Variants in CELF2 observed in about 807,000 individuals in gnomAD.
The protein encoded by CELF2 is CUG triplet repeat RNA-binding protein 2.
A neutral mutation model predicts 62.6 loss-of-function variants in CELF2; 8 were observed. The observed-to-expected ratio is 0.13, with a 90% CI of 0.07 to 0.23. The LOEUF (loss-of-function observed/expected upper bound fraction) is 0.23. CELF2 is among the 10% of genes least tolerant of loss of function. CELF2 has a pLI of 1.00. For synonymous variants in CELF2, 258 were observed against 250.0 expected (o/e 1.03, Z -0.30); for missense variants, 333 against 671.0 (o/e 0.50, Z 5.56).
At chr10:11,170,950 G>A (rs1188557254) in intron 2 of CELF2, among the ~76,000 whole-genome samples, 1 of 152,144 alleles carries the variant, frequency 6.6e-6, no homozygotes, top group African/African-American at 2.4e-5. Context: ...TGAAAACCGA[G>A]TGATAGATTA....
intron 1 of CELF2, among the ~76,000 whole-genome samples, chr10:10,854,661 C>T (rs1358666488): frequency 1.3e-5 from 2 of 152,094 alleles, no homozygotes; most frequent in Non-Finnish European, 2.9e-5. Context: ...GCTGCCTCTC[C>T]AGTGCACAGC....
chr10:10,737,437 G>T, the CELF2 span, among the ~76,000 whole-genome samples: 1 of 151,926 alleles, frequency 6.6e-6, no homozygotes, highest in African/African-American at 2.4e-5. Context: ...TCCTTATCTT[G>T]GGTAATACAT....
At chr10:10,998,924 G>C (rs530171281) in intron 2 of CELF2, among the ~76,000 whole-genome samples, 1 of 152,200 alleles carries the variant, frequency 6.6e-6, no homozygotes, top group East Asian at 1.9e-4. Flanking sequence ...TGCAGTTTAT[G>C]AACTCCCAAA....
At chr10:10,600,578 G>T in the CELF2 span, among the ~76,000 whole-genome samples, 1 of 152,124 alleles carries the variant, frequency 6.6e-6, no homozygotes, top group African/African-American at 2.4e-5. Context: ...TTTGGGAAAA[G>T]CTTTTATTCA....
the CELF2 span, among the ~76,000 whole-genome samples, chr10:10,757,538 G>A: frequency 6.6e-6 from 1 of 152,116 alleles, no homozygotes; most frequent in South Asian, 2.1e-4. Flanking sequence ...GCACACACAT[G>A]TATGTATGTA....
At chr10:10,566,727 A>T in the CELF2 span, among the ~76,000 whole-genome samples, 1 of 152,072 alleles carries the variant, frequency 6.6e-6, no homozygotes, top group Non-Finnish European at 1.5e-5. Flanking sequence ...TCTTTTGTTC[A>T]CAACATATGT....
chr10:11,086,090 C>T (rs1285713522), intron 1 of CELF2, among the ~76,000 whole-genome samples: 1 of 152,132 alleles, frequency 6.6e-6, no homozygotes, highest in Non-Finnish European at 1.5e-5. Flanking sequence ...ATTTGACAAT[C>T]TCCTGGACTC....
chr10:10,765,799 T>G, the CELF2 span, among the ~76,000 whole-genome samples: 2 of 152,150 alleles, frequency 1.3e-5, no homozygotes, highest in Non-Finnish European at 2.9e-5. Flanking sequence ...GAGGACTGAG[T>G]GTCTTTTCTT....
In CELF2 at chr10:11,316,729, G is replaced by GTT. The variant is rs2095023697; in HGVS notation, c.1096+2471_1096+2472insTT. ...GCGGTCAGCAAGAAAGCAGGTAGAT[G>GTT]ACTCACCAGAGCCAACATTTTACCC... On this transcript the variant is annotated intron_variant, in intron 10 of 12. Coordinates refer to ENST00000633077, the MANE Select transcript of CELF2 (RefSeq NM_001326342.2). This position sits in a 1 kb window ranked among gnomAD's most constrained non-coding sequence, Gnocchi z 4.4. 6.6e-6 allele frequency: 1 copy of GTT among 152,120 alleles called. No individual in the cohort carries two copies. The highest frequency in any genetic ancestry group is 1.5e-5 in the Non-Finnish European group (1 of 68,008). The allele number at this position is 152,120 out of a possible 1,614,324, so 9.4% of individuals were successfully genotyped here. A position where few individuals can be genotyped will look rare whatever the true frequency, so the allele number is the denominator to read the frequency against.
At chr10:10,813,174 G>C (rs908259232) in intron 1 of CELF2, among the ~76,000 whole-genome samples, 1 of 152,146 alleles carries the variant, frequency 6.6e-6, no homozygotes, top group Non-Finnish European at 1.5e-5. Flanking sequence ...CTACAGATCT[G>C]TGTTCAGATG....
At chr10:10,661,821 T>C in the CELF2 span, among the ~76,000 whole-genome samples, 1 of 152,090 alleles carries the variant, frequency 6.6e-6, no homozygotes, top group Admixed American at 6.5e-5. Flanking sequence ...AGGTAGGGAA[T>C]AGTTAAGTAA....
chr10:11,210,233 C>A lies in CELF2; in HGVS notation c.272-7192C>A, dbSNP rs74426437. 9.6e-3 allele frequency among the ~76,000 whole-genome samples: 1,468 copies of A among 152,252 alleles called. 20 individuals carry two copies. Among genetic ancestry groups the A allele is most frequent in the Middle Eastern group, 0.024 (7 of 294 alleles). ...AGAAAAAATATATAGAGAGCTCAGT[C>A]ATCAGATGATCAGTCTGGGGCTGCT... On this transcript the variant is annotated intron_variant, in intron 2 of 12. Coordinates refer to ENST00000633077, the MANE Select transcript of CELF2 (RefSeq NM_001326342.2).
chr10:10,505,310 C>A, the CELF2 span, among the ~76,000 whole-genome samples: 1 of 151,986 alleles, frequency 6.6e-6, no homozygotes, highest in Non-Finnish European at 1.5e-5. Flanking sequence ...GGGGAGGGCT[C>A]CTTTTTTACT....
rs1156857739 is a variant in CELF2 at position 11,145,001 on chromosome 10, T to C, written c.75-20485T>C. Among the ~76,000 whole-genome samples, 1 of 152,020 alleles carries C rather than the reference T, an allele frequency of 6.6e-6. No homozygotes were observed. The highest frequency in any genetic ancestry group is 1.5e-5 in the Non-Finnish European group (1 of 67,998). On this transcript the variant is annotated intron_variant, in intron 1 of 12. Transcript: ENST00000633077. The surrounding 1 kb of genome is among the most constrained non-coding windows in gnomAD (Gnocchi z 4.3). Reference sequence around the variant, plus strand: ...GCTGTAAGACTTTCTTGTTTATTTCTGTGTCGAAGGCAAGGCAGCTTAATA... The same window carrying C: ...GCTGTAAGACTTTCTTGTTTATTTCCGTGTCGAAGGCAAGGCAGCTTAATA...
intron 1 of CELF2, among the ~76,000 whole-genome samples, chr10:11,113,922 G>GCC (rs1449196937): frequency 1.3e-5 from 2 of 152,190 alleles, no homozygotes; most frequent in Non-Finnish European, 2.9e-5. Flanking sequence ...TCTGCTGTCA[G>GCC]AAAATGTGCT....
intron 1 of CELF2, among the ~76,000 whole-genome samples, chr10:10,825,358 C>T (rs1381370076): frequency 2.0e-5 from 3 of 152,094 alleles, no homozygotes; most frequent in Admixed American, 6.6e-5. Flanking sequence ...TACAGGCGCC[C>T]GCCACCAAGC....
chr10:10,493,985 C>T, the CELF2 span, among the ~76,000 whole-genome samples: 1 of 152,160 alleles, frequency 6.6e-6, no homozygotes, highest in Non-Finnish European at 1.5e-5. Flanking sequence ...GTGCTGTCTC[C>T]CCGGTGACCT....
chr10:10,731,223 G>A, the CELF2 span, among the ~76,000 whole-genome samples: 1 of 150,640 alleles, frequency 6.6e-6, no homozygotes, highest in African/African-American at 2.4e-5. Flanking sequence ...ATATGTTAAG[G>A]AAGCAAAGAT....
At chr10:10,519,207 T>G in the CELF2 span, among the ~76,000 whole-genome samples, 1 of 152,180 alleles carries the variant, frequency 6.6e-6, no homozygotes, top group Non-Finnish European at 1.5e-5. Context: ...GTTCTACATG[T>G]TCATGAAGCA....
Sources: allele counts gnomAD v4.1 joint callset (sites outside exome capture counted in the v4.1 genomes callset), GRCh38; gene constraint gnomAD v4.1.1; non-coding constraint Gnocchi (gnomAD v3.1); transcripts MANE v1.5; gene names NCBI Gene and HGNC (gene_info 2026-07-23, HGNC 2026-07-21).